The following GIT2 variants were observed in gnomAD, a reference collection of about 807,000 sequenced individuals.
The protein encoded by GIT2 is GIT ArfGAP 2.
A neutral mutation model predicts 100.3 loss-of-function variants in GIT2; 32 were observed. The observed-to-expected ratio is 0.32, with a 90% CI of 0.24 to 0.43. The LOEUF (loss-of-function observed/expected upper bound fraction) is 0.43, where lower values mean the gene tolerates loss of function less well. Ranked by LOEUF, GIT2 falls within the 20% of genes least tolerant of loss-of-function variation. The pLI, the probability that GIT2 is intolerant of heterozygous loss-of-function variation, is 1.00. For missense variants in GIT2, 737 were observed against 975.1 expected, an observed-to-expected ratio of 0.76 and a Z score of 3.25; for synonymous variants, 353 against 364.1, an observed-to-expected ratio of 0.97 and a Z score of 0.35.
intron 12 of GIT2, chr12:109,954,536 T>G (rs1409237024): frequency 6.6e-6 from 1 of 152,156 alleles, no homozygotes; most frequent in Non-Finnish European, 1.5e-5. Context: ...CTTCTAATAT[T>G]GTTTCCCAGA....
At chr12:109,998,742 G>A (rs1889769722), upstream of GIT2, 2 of 152,122 alleles carry the variant, frequency 1.3e-5, no homozygotes. Context: ...AGTTCAAATA[G>A]AAGCGGTTCT....
intron 16 of GIT2, among the ~76,000 whole-genome samples, chr12:109,942,375 T>C (rs1246443730): frequency 6.6e-6 from 1 of 152,176 alleles, no homozygotes; most frequent in Non-Finnish European, 1.5e-5. Context: ...TCGCCCAGGC[T>C]GGAGTGCAGT....
chr12:109,948,835 T>C lies in GIT2; in HGVS notation c.1393-1331A>G. ...TTGCTCCTCTTCATTAATTAGCATC[T>C]TTTCCAAGCAACTGTTAAATGTGAA... On this transcript the variant is annotated intron_variant, in intron 14 of 19. Transcript: ENST00000355312. This position sits in a 1 kb window ranked among gnomAD's most constrained non-coding sequence, Gnocchi z 4.3. The C allele has an allele frequency of 6.2e-7, 1 of 1,600,354 alleles. No individual in the cohort carries two copies.
At position 109,948,290 on chromosome 12, in the gene GIT2, C is replaced by A; in HGVS notation, c.1393-786G>T. The A allele has an allele frequency of 1.0e-6, 1 of 987,056 alleles. No homozygotes were observed. Among genetic ancestry groups the A allele is most frequent in the Non-Finnish European group, 1.2e-6 (1 of 831,102 alleles). 61.1% of individuals were successfully genotyped at this position (987,056 alleles called of 1,614,324 possible). On this transcript the variant is annotated intron_variant, in intron 14 of 19. Transcript: ENST00000355312. This position sits in a 1 kb window ranked among gnomAD's most constrained non-coding sequence, Gnocchi z 4.3. ...GTGAGTGATCATCTTTCGGCCAGGGCTGGAATATTTGGCCTTTCTCTCCTT... is the reference window on the plus strand; with the variant it reads ...GTGAGTGATCATCTTTCGGCCAGGGATGGAATATTTGGCCTTTCTCTCCTT...
At chr12:109,975,065 A>T (rs1333568400) in intron 7 of GIT2, among the ~76,000 whole-genome samples, 2 of 152,144 alleles carry the variant, frequency 1.3e-5, no homozygotes, top group Non-Finnish European at 2.9e-5. Flanking sequence ...ACTTTGTCTG[A>T]TATTAATATA....
chr12:109,976,020 T>G (rs949500194), intron 7 of GIT2, among the ~76,000 whole-genome samples: 1 of 151,852 alleles, frequency 6.6e-6, no homozygotes, highest in Non-Finnish European at 1.5e-5. Flanking sequence ...TCTGCCCACC[T>G]CAGCCTCCCA....
chr12:109,938,678 G>A (rs779504770), intron 17 of GIT2, 110 bp from the exon 18 acceptor site: 31 of 735,190 alleles, frequency 4.2e-5, no homozygotes, highest in South Asian at 5.6e-5. Context: ...GGCTGGTCTC[G>A]TCATTTCCTT....
chr12:109,990,032 T>G (rs1275697026), intron 2 of GIT2, among the ~76,000 whole-genome samples: 8 of 152,222 alleles, frequency 5.3e-5, no homozygotes, highest in Non-Finnish European at 1.5e-5. Context: ...TGAACTGTTC[T>G]TATTCTGTAT....
At chr12:109,969,944 C>T (rs528391946) in intron 7 of GIT2, among the ~76,000 whole-genome samples, 2 of 151,704 alleles carry the variant, frequency 1.3e-5, no homozygotes, top group Non-Finnish European at 1.5e-5. Flanking sequence ...TTAGTAGAGA[C>T]GGGGTTTCAC....
chr12:109,953,540 T>C (rs1055350397), intron 12 of GIT2: 3 of 238,972 alleles, frequency 1.3e-5, no homozygotes, highest in African/African-American at 2.3e-5. Context: ...GACAGGAGGA[T>C]TGCTTGAGCC....
rs765773003 is a variant in GIT2 at position 109,938,580 on chromosome 12, A to C, written c.1815-12T>G. ...CCTTTCGGCTTGACCTGTGAACATTAAAGATGCAGTTAAATACAGCAGGTG... is the reference window on the plus strand; with the variant it reads ...CCTTTCGGCTTGACCTGTGAACATTCAAGATGCAGTTAAATACAGCAGGTG... On this transcript the variant is annotated splice_polypyrimidine_tract_variant and intron_variant, in intron 17 of 19. Transcript: ENST00000355312. 3 of 1,565,344 alleles carry C rather than the reference A, an allele frequency of 1.9e-6. No individual in the cohort carries two copies. Among genetic ancestry groups the C allele is most frequent in the East Asian group, 4.5e-5 (2 of 44,320 alleles).
At chr12:109,967,658 C>T (rs1356667097) in intron 7 of GIT2, among the ~76,000 whole-genome samples, 155 bp from the exon 8 acceptor site, 1 of 152,128 alleles carries the variant, frequency 6.6e-6, no homozygotes, top group Non-Finnish European at 1.5e-5. Context: ...TCCTGAAGAC[C>T]CAGCTAGTAG....
chr12:109,952,921 G>T, intron 13 of GIT2, 171 bp downstream of exon 13: 1 of 625,692 alleles, frequency 1.6e-6, no homozygotes, highest in Non-Finnish European at 2.8e-6. Flanking sequence ...CTCAACTGCA[G>T]CAGGGCTGTG....
In GIT2 at chr12:109,961,329, C is replaced by G. The variant is rs574241436; in HGVS notation, c.936G>C (p.Thr312=). 8.1e-6 allele frequency: 13 copies of G among 1,613,516 alleles called. No individual in the cohort carries two copies. The South Asian group carries it at 9.9e-5, about 12-fold the overall frequency. ...QNHSALVTET[T]VVPFLPVNPE... ...GATTGACCGGAAGAAAGGGGACGAC[C>G]GTTGTCTCGGTTACCAGGGCGCTGT... is the stretch of plus-strand genomic sequence containing the variant. Residue 312 remains threonine (T), a synonymous_variant, in exon 11 of 20, where the codon ACG becomes ACC. Transcript: ENST00000355312.
Position 109,947,233 on chromosome 12 carries a change from G to A in GIT2, c.1641+23C>T, listed in dbSNP as rs760940230. The stretch of plus-strand genomic sequence containing the variant: ...GACAGGCTGCATAGAGTGAACAGCA[G>A]AAGCGCCAGTGGTGTTACTTACGTG... On this transcript the variant is annotated intron_variant, in intron 15 of 19. Coordinates refer to ENST00000355312, the MANE Select transcript of GIT2 (RefSeq NM_057169.5). This position sits in a 1 kb window ranked among gnomAD's most constrained non-coding sequence, Gnocchi z 4.3. The A allele has an allele frequency of 1.9e-6, 3 of 1,603,686 alleles. No individual in the cohort carries two copies. Among genetic ancestry groups the A allele is most frequent in the East Asian group, 4.5e-5 (2 of 44,722 alleles).
intron 2 of GIT2, 22 bp from the exon 3 acceptor site, chr12:109,989,824 T>C (rs777051368): frequency 3.3e-6 from 4 of 1,219,188 alleles, no homozygotes; most frequent in East Asian, 2.3e-5. Flanking sequence ...CAGGATGACA[T>C]AAGACTTTAA....
chr12:109,990,959 TAAAGA>T (rs1346030402), intron 2 of GIT2, among the ~76,000 whole-genome samples: 1 of 152,202 alleles, frequency 6.6e-6, no homozygotes, highest in Non-Finnish European at 1.5e-5. Context: ...ATAAGTACAT[TAAAGA>T]AAAGATTCTC....
At position 109,962,872 on chromosome 12, in the gene GIT2, C is replaced by T. The variant is rs1881414307; in HGVS notation, c.817-1187G>A. Among the ~76,000 whole-genome samples the T allele has an allele frequency of 6.6e-6, 1 of 152,152 alleles. No homozygotes were observed. Among genetic ancestry groups the T allele is most frequent in the Non-Finnish European group, 1.5e-5 (1 of 68,028 alleles). ...TGGCTACAGGCTGGGTGTGGTGGCT[C>T]ATGCCTATAATCCCAACACTTTGGG... On this transcript the variant is annotated intron_variant, in intron 9 of 19. Transcript: ENST00000355312. The surrounding 1 kb of genome is among the most constrained non-coding windows in gnomAD (Gnocchi z 4.3).
chr12:109,939,379 T>C (rs1873944834), intron 16 of GIT2, 132 bp from the exon 17 acceptor site: 1 of 618,404 alleles, frequency 1.6e-6, no homozygotes, highest in East Asian at 2.8e-5. Flanking sequence ...GGGACAACTC[T>C]CTAGTGAAAA....
Sources: gnomAD v4.1 joint callset for allele counts (sites outside exome capture counted in the v4.1 genomes callset) on GRCh38, gnomAD v4.1.1 for gene constraint, Gnocchi (gnomAD v3.1) non-coding constraint, MANE v1.5 for transcripts, NCBI Gene and HGNC (gene_info 2026-07-23, HGNC 2026-07-21) for gene names.